The following OOSP3 variants were observed in gnomAD, a reference collection of about 807,000 sequenced individuals.
OOSP3 encodes the protein oocyte-secreted protein 3.
chr11:59,889,057 C>T (rs1853286778), intron 2 of OOSP3, among the ~76,000 whole-genome samples: 1 of 152,036 alleles, frequency 6.6e-6, no homozygotes, highest in Non-Finnish European at 1.5e-5. Context: ...GGAGTTTATC[C>T]ATTTTTTTCT....
intron 2 of OOSP3, among the ~76,000 whole-genome samples, chr11:59,881,643 C>T (rs1314188212): frequency 2.6e-5 from 4 of 152,074 alleles, no homozygotes; most frequent in African/African-American, 4.8e-5. Context: ...TTTGGGAGGC[C>T]GAGGCAGGCA....
chr11:59,886,420 T>C (rs1853259853), intron 2 of OOSP3, among the ~76,000 whole-genome samples: 1 of 152,230 alleles, frequency 6.6e-6, no homozygotes, highest in Admixed American at 6.5e-5. Flanking sequence ...AAAGGGATTG[T>C]TTGATCAAAT....
Position 59,882,625 on chromosome 11 carries a change from G to A in OOSP3, c.252+2186G>A, listed in dbSNP as rs61274554. On this transcript the variant is annotated intron_variant, in intron 2 of 4. Coordinates refer to ENST00000646438, the Ensembl canonical transcript of OOSP3. Reference sequence around the variant, plus strand: ...ACAAAATGAAGGACTGTAGCAATCAGTTTAAGTAGCAGACATGGATTAGGA... The same window carrying A: ...ACAAAATGAAGGACTGTAGCAATCAATTTAAGTAGCAGACATGGATTAGGA... Among the ~76,000 whole-genome samples the A allele has an allele frequency of 5.4e-3, 829 of 152,300 alleles. 6 individuals are homozygous for A. Among genetic ancestry groups the A allele is most frequent in the African/African-American group, 0.018 (743 of 41,566 alleles).
chr11:59,886,447 C>A (rs1853260389), intron 2 of OOSP3, among the ~76,000 whole-genome samples: 1 of 152,276 alleles, frequency 6.6e-6, no homozygotes, highest in African/African-American at 2.4e-5. Flanking sequence ...ATCCTTGTAA[C>A]AGAATGATTT....
chr11:59,882,274 TTC>T (rs1204259342), intron 2 of OOSP3, among the ~76,000 whole-genome samples: 6 of 149,570 alleles, frequency 4.0e-5, no homozygotes, highest in Non-Finnish European at 8.8e-5. Flanking sequence ...ATTTTTTTTT[TTC>T]CCCCCTGTGG....
chr11:59,881,718 A>C (rs1461266363), intron 2 of OOSP3, among the ~76,000 whole-genome samples: 1 of 152,178 alleles, frequency 6.6e-6, no homozygotes, highest in Non-Finnish European at 1.5e-5. Context: ...TCTCTACTAA[A>C]CATACAAAAA....
chr11:59,885,971 TTGC>T (rs780859155), intron 2 of OOSP3, among the ~76,000 whole-genome samples: 5 of 152,162 alleles, frequency 3.3e-5, no homozygotes, highest in Admixed American at 6.5e-5. Context: ...CCATGGTGGT[TTGC>T]TGCAACTATC....
intron 2 of OOSP3, among the ~76,000 whole-genome samples, chr11:59,892,560 G>GT (rs1298435292): frequency 3.9e-5 from 6 of 152,166 alleles, no homozygotes; most frequent in Admixed American, 3.3e-4. Context: ...ATAGAATTGA[G>GT]TAGTGGAGCC....
At chr11:59,894,110 C>G in exon 3 of OOSP3, 2 of 398,530 alleles carry the variant, frequency 5.0e-6, no homozygotes, top group Non-Finnish European at 8.8e-6. Context: ...TTTTATTCAG[C>G]ACTCCACTGT....
At position 59,880,209 on chromosome 11, in the gene OOSP3, C is replaced by T. The variant is rs149158934; in HGVS notation, c.74-52C>T. 1.3e-4 allele frequency: 50 copies of T among 397,692 alleles called. No homozygotes were observed. In the Middle Eastern group the frequency reaches 2.5e-3, roughly 20 times the overall value. 24.6% of individuals were successfully genotyped at this position (397,692 alleles called of 1,614,324 possible). ...CTATGTTCAGACTTTCTCTGGGTGT[C>T]GTTTAGCATAAAATTGCTATCTAAA... On this transcript the variant is annotated intron_variant, in intron 1 of 4. Transcript: ENST00000646438.
At chr11:59,881,406 C>G (rs927865339) in intron 2 of OOSP3, among the ~76,000 whole-genome samples, 2 of 151,234 alleles carry the variant, frequency 1.3e-5, no homozygotes, top group Non-Finnish European at 2.9e-5. Context: ...CTTGAATGCT[C>G]AATAGAAGTT....
intron 1 of OOSP3, among the ~76,000 whole-genome samples, chr11:59,879,255 C>G (rs1853179655): frequency 6.6e-6 from 1 of 152,142 alleles, no homozygotes; most frequent in African/African-American, 2.4e-5. Flanking sequence ...GCCCTGTTGC[C>G]TCCTAAGTGG....
intron 2 of OOSP3, among the ~76,000 whole-genome samples, chr11:59,883,840 A>G (rs1260872810): frequency 6.6e-6 from 1 of 152,250 alleles, no homozygotes; most frequent in Non-Finnish European, 1.5e-5. Flanking sequence ...AAGGTCATAC[A>G]GCCATGACTG....
intron 2 of OOSP3, among the ~76,000 whole-genome samples, chr11:59,889,937 A>C (rs1276006094): frequency 2.0e-5 from 3 of 152,142 alleles, no homozygotes; most frequent in African/African-American, 7.2e-5. Context: ...GGTCTTTAAG[A>C]ACTTATTTTA....
rs568128034 is a variant in OOSP3 at position 59,888,162 on chromosome 11, G to A, written c.253-5917G>A. On this transcript the variant is annotated intron_variant, in intron 2 of 4. Transcript: ENST00000646438. ...TTGCACATTGATTTTGTATCCTGAG[G>A]TTTTCCTGAAGTTGTTTATCAGCTT... 2.0e-5 allele frequency among the ~76,000 whole-genome samples: 3 copies of A among 152,164 alleles called. No homozygotes were observed. In the South Asian group the frequency reaches 6.2e-4, roughly 32 times the overall value.
chr11:59,879,856 CAG>C (rs139811443), intron 1 of OOSP3, among the ~76,000 whole-genome samples: 1,588 of 152,240 alleles, frequency 0.01, 30 homozygotes, highest in African/African-American at 0.035. Flanking sequence ...GGATGAGAGT[CAG>C]AGGCCATAGA....
Position 59,884,475 on chromosome 11 carries a change from G to GTCTCTC in OOSP3, c.252+4076_252+4081dup, listed in dbSNP as rs60145654. 3.0e-3 allele frequency among the ~76,000 whole-genome samples: 345 copies of GTCTCTC among 113,856 alleles called. 1 individual carries two copies. The highest frequency in any genetic ancestry group is 8.0e-3 in the Admixed American group (85 of 10,578). 74.7% of individuals were successfully genotyped at this position (113,856 alleles called of 152,430 possible). On this transcript the variant is annotated intron_variant, in intron 2 of 4. Coordinates refer to ENST00000646438, the Ensembl canonical transcript of OOSP3. ...TGTCTGTCTGTCTGTCTGTCTGTCT[G>GTCTCTC]TCTCTCTCTCTCTCTCTCTCTCTCT... is the stretch of plus-strand genomic sequence containing the variant.
At chr11:59,887,195 T>C (rs570317803) in intron 2 of OOSP3, among the ~76,000 whole-genome samples, 1 of 152,170 alleles carries the variant, frequency 6.6e-6, no homozygotes, top group Non-Finnish European at 1.5e-5. Flanking sequence ...GATGGATAGA[T>C]TGCAAAAATT....
At chr11:59,881,327 T>C (rs778237812) in intron 2 of OOSP3, among the ~76,000 whole-genome samples, 2 of 150,494 alleles carry the variant, frequency 1.3e-5, no homozygotes, top group Non-Finnish European at 3.0e-5. Flanking sequence ...ATCATGCCAC[T>C]GCACCCCAGC....
Sources: gnomAD v4.1 joint callset for allele counts (sites outside exome capture counted in the v4.1 genomes callset) on GRCh38, gnomAD v4.1.1 for gene constraint, MANE v1.5 for transcripts, NCBI Gene and HGNC (gene_info 2026-07-23, HGNC 2026-07-21) for gene names.